Variants in GPATCH1 observed in about 807,000 individuals in gnomAD.
GPATCH1 encodes G patch domain-containing protein 1.
GPATCH1 carries 73 observed loss-of-function variants against 114.9 expected under a neutral mutation model. That is an observed-to-expected ratio of 0.64 (90% CI 0.53 to 0.77). The LOEUF (loss-of-function observed/expected upper bound fraction) is 0.77. GPATCH1 is among the 30% of genes least tolerant of loss of function. The pLI is 0.00. For synonymous variants in GPATCH1, 391 were observed against 428.4 expected (o/e 0.91, Z 1.08); for missense variants, 1,058 against 1,144.3 (o/e 0.92, Z 1.09).
Position 33,112,521 on chromosome 19 carries a change from G to T in GPATCH1, c.1800G>T (p.Met600Ile), listed in dbSNP as rs1216785000. 1 of 1,614,072 alleles carries T rather than the reference G, an allele frequency of 6.2e-7. No homozygotes were observed. The highest frequency in any genetic ancestry group is 1.7e-5 in the Admixed American group (1 of 59,990). Residue 600 changes from methionine to isoleucine, a missense_variant, in exon 13 of 20, where the codon ATG (methionine) becomes ATT (isoleucine). By Grantham distance (10) the Met-to-Ile change is conservative. This residue lies in a region of GPATCH1 where 893 missense variants were observed against 977.4 expected (regional missense o/e 0.91). Coordinates refer to ENST00000170564, the MANE Select transcript of GPATCH1 (RefSeq NM_018025.3). ...GGGATAAGCAGTCGGCTGTGAAGAT[G>T]AAGATGTTTGGGAAGCTCACCCGAG... ...DVGDKQSAVK[M>I]KMFGKLTRDT...
At chr19:33,085,796 C>A (rs1423345528) in intron 1 of GPATCH1, among the ~76,000 whole-genome samples, 1 of 152,198 alleles carries the variant, frequency 6.6e-6, no homozygotes, top group Non-Finnish European at 1.5e-5. Flanking sequence ...CACCCACCTC[C>A]TTTCTGGAGT....
intron 9 of GPATCH1, among the ~76,000 whole-genome samples, chr19:33,102,336 G>A (rs559111825): frequency 2.0e-5 from 3 of 150,472 alleles, no homozygotes; most frequent in Admixed American, 1.3e-4. Context: ...ACTCCGTATC[G>A]AAAAGAAAAG....
intron 18 of GPATCH1, 46 bp from the exon 19 acceptor site, chr19:33,126,542 G>A (rs1382877399): frequency 6.2e-7 from 1 of 1,605,554 alleles, no homozygotes; most frequent in South Asian, 1.1e-5. Context: ...GAATTAAGGA[G>A]GAAAAAATAC....
chr19:33,096,522 G>T (rs1972661833), intron 7 of GPATCH1, 76 bp downstream of exon 7: 5 of 1,261,720 alleles, frequency 4.0e-6, no homozygotes, highest in Non-Finnish European at 4.4e-6. Flanking sequence ...TCTTTTTAGA[G>T]GTTCTTTATT....
chr19:33,084,001 G>A (rs995560698), intron 1 of GPATCH1, among the ~76,000 whole-genome samples: 1 of 151,770 alleles, frequency 6.6e-6, no homozygotes. Context: ...GTAGACACAG[G>A]GTTTTACCAC....
chr19:33,097,726 G>A, intron 7 of GPATCH1, 29 bp from the exon 8 acceptor site: 2 of 1,609,232 alleles, frequency 1.2e-6, no homozygotes, highest in South Asian at 2.2e-5. Context: ...TAACACCTGT[G>A]CTCAGTTTGA....
At chr19:33,111,687 GA>G in intron 11 of GPATCH1, 36 bp from the exon 12 acceptor site, 1 of 1,603,756 alleles carries the variant, frequency 6.2e-7, no homozygotes, top group East Asian at 2.2e-5. Context: ...ATGTTTTCCT[GA>G]AAAGTGAAGC....
chr19:33,108,510 C>CA (rs1555720210), intron 10 of GPATCH1, among the ~76,000 whole-genome samples: 1 of 146,400 alleles, frequency 6.8e-6, no homozygotes, highest in African/African-American at 2.5e-5. Context: ...GAATCTGGCT[C>CA]TTTTTTTTTT....
intron 1 of GPATCH1, among the ~76,000 whole-genome samples, chr19:33,084,863 G>T (rs1258834910): frequency 6.6e-6 from 1 of 151,818 alleles, no homozygotes; most frequent in Non-Finnish European, 1.5e-5. Context: ...GTTTCACAAT[G>T]TTGGCCAGGC....
Position 33,111,832 on chromosome 19 carries a change from T to C in GPATCH1, c.1694T>C (p.Leu565Ser), listed in dbSNP as rs369611759. ...ALLYASSHST[L>S]SSRFTHAKEE... Reference sequence around the variant, plus strand: ...CTGTACGCATCTTCCCATTCGACCTTGTCCTCCAGGTTCACTCACGCCAAG... The same window carrying C: ...CTGTACGCATCTTCCCATTCGACCTCGTCCTCCAGGTTCACTCACGCCAAG... Residue 565 changes from leucine (L) to serine (S), a missense_variant, in exon 12 of 20, where the codon TTG (leucine) becomes TCG (serine). Around this residue, in one of 3 missense-constraint regions of GPATCH1, gnomAD observed 893 missense variants for 977.4 expected, o/e 0.91. Transcript: ENST00000170564. 24 of 1,614,116 alleles carry C rather than the reference T, an allele frequency of 1.5e-5. No homozygotes were observed. Among genetic ancestry groups the C allele is most frequent in the Non-Finnish European group, 2.0e-5 (24 of 1,179,976 alleles).
chr19:33,112,830 T>C, intron 13 of GPATCH1: 3 of 408,166 alleles, frequency 7.3e-6, no homozygotes. Context: ...TTATTCCATA[T>C]TGAAGCTATG....
rs902528276 is a variant in GPATCH1 at position 33,117,917 on chromosome 19, T to A, written c.2289T>A (p.Asp763Glu). 3.7e-6 allele frequency: 6 copies of A among 1,613,886 alleles called. No homozygotes were observed. Among genetic ancestry groups the A allele is most frequent in the Non-Finnish European group, 5.1e-6 (6 of 1,179,882 alleles). Reference protein sequence around the residue: ...LFRAIFASSSDEKSSSSEDEQ... With the variant: ...LFRAIFASSSEEKSSSSEDEQ... Reference sequence around the variant, plus strand: ...GGGCCATCTTTGCCAGTTCCTCAGATGAAAAGTCCTCATCCTCCGAGGATG... The same window carrying A: ...GGGCCATCTTTGCCAGTTCCTCAGAAGAAAAGTCCTCATCCTCCGAGGATG... The change falls in exon 16 of 20, where the codon GAT becomes GAA. Residue 763 changes from aspartate to glutamate, a missense_variant. This residue lies in a region of GPATCH1 where 893 missense variants were observed against 977.4 expected (regional missense o/e 0.91). Transcript: ENST00000170564.
chr19:33,112,436 A>G (rs201308650), intron 12 of GPATCH1, 50 bp from the exon 13 acceptor site: 5 of 1,600,024 alleles, frequency 3.1e-6, no homozygotes, highest in Non-Finnish European at 4.3e-6. Flanking sequence ...GAGAGCAGTC[A>G]GGTCAGTGGT....
chr19:33,111,747 C>T lies in GPATCH1; in HGVS notation c.1609C>T (p.Pro537Ser). Residue 537 changes from proline to serine, a missense_variant, in exon 12 of 20, where the codon CCC (proline) becomes TCC (serine). This residue lies in a region of GPATCH1 where 893 missense variants were observed against 977.4 expected (regional missense o/e 0.91). Transcript: ENST00000170564. The stretch of plus-strand genomic sequence containing the variant: ...AGATGCTCTGGAACGCTGTCTGGAC[C>T]CCAGCATGACAGAGTGGGAGCGAGG... ...QKDALERCLD[P>S]SMTEWERGRE... 6.2e-7 allele frequency: 1 copy of T among 1,614,030 alleles called. No homozygotes were observed.
chr19:33,081,377 T>G, intron 1 of GPATCH1, 111 bp downstream of exon 1: 71 of 779,846 alleles, frequency 9.1e-5, no homozygotes, highest in Non-Finnish European at 1.0e-4. Flanking sequence ...TTCCCAGCGC[T>G]GGGAACACGG....
chr19:33,083,390 G>T, intron 1 of GPATCH1, among the ~76,000 whole-genome samples: 1 of 148,676 alleles, frequency 6.7e-6, no homozygotes, highest in African/African-American at 2.5e-5. Flanking sequence ...CCCCAACCAT[G>T]TTTTTGTTTT....
rs1165090899 is a variant in GPATCH1 at position 33,113,836 on chromosome 19, A to G, written c.1962A>G (p.Pro654=). ...KYSVFNFLTL[P]ETASLPTTQA... ...CAGTCTTCAACTTTCTGACGCTCCC[A>G]GAGACAGCTTCCTTGCCCACCACTC... The change falls in exon 14 of 20, where the codon CCA becomes CCG. Residue 654 remains proline (P), a synonymous_variant. Coordinates refer to ENST00000170564, the MANE Select transcript of GPATCH1 (RefSeq NM_018025.3). 1.2e-6 allele frequency: 2 copies of G among 1,614,062 alleles called. No homozygotes were observed. The highest frequency in any genetic ancestry group is 1.7e-5 in the Admixed American group (1 of 60,014).
At chr19:33,095,389 G>A (rs1257197004) in intron 5 of GPATCH1, among the ~76,000 whole-genome samples, 2 of 151,112 alleles carry the variant, frequency 1.3e-5, no homozygotes, top group African/African-American at 4.9e-5. Context: ...AGCCTCCTGA[G>A]TAGCTGGGAT....
intron 11 of GPATCH1, among the ~76,000 whole-genome samples, 159 bp from the exon 12 acceptor site, chr19:33,111,564 CA>C (rs1320261006): frequency 6.6e-6 from 1 of 151,946 alleles, no homozygotes; most frequent in Non-Finnish European, 1.5e-5. Flanking sequence ...AAGGAAACAG[CA>C]ATATTACCTG....
Sources: allele counts gnomAD v4.1 joint callset (sites outside exome capture counted in the v4.1 genomes callset), GRCh38; gene constraint gnomAD v4.1.1; regional missense constraint gnomAD v4.1.1; transcripts MANE v1.5; gene names NCBI Gene and HGNC (gene_info 2026-07-23, HGNC 2026-07-21).